Variants in DCLK1 observed in about 807,000 individuals in gnomAD.
The protein encoded by DCLK1 is serine/threonine-protein kinase DCLK1.
Under a neutral mutation model 86.2 loss-of-function variants are expected in DCLK1, and 16 were observed. That is an observed-to-expected ratio of 0.19 (90% CI 0.13 to 0.28). The LOEUF (loss-of-function observed/expected upper bound fraction) is 0.28, where lower values mean the gene tolerates loss of function less well. Among genes scored for constraint, DCLK1 ranks in the 10% least tolerant of loss-of-function variants. DCLK1 has a pLI of 1.00. For synonymous variants in DCLK1, 369 were observed against 370.5 expected (o/e 1.00, Z 0.05); for missense variants, 590 against 940.2 (o/e 0.63, Z 4.87).
At chr13:36,029,233 T>C (rs1372506600) in intron 3 of DCLK1, among the ~76,000 whole-genome samples, 1 of 152,204 alleles carries the variant, frequency 6.6e-6, no homozygotes, top group Non-Finnish European at 1.5e-5. Flanking sequence ...ATCACTTCCC[T>C]GACCTCCCTG....
At chr13:35,836,428 G>C (rs1232516059) in intron 7 of DCLK1, among the ~76,000 whole-genome samples, 1 of 152,156 alleles carries the variant, frequency 6.6e-6, no homozygotes, top group African/African-American at 2.4e-5. Context: ...AGGAAGCTTT[G>C]CTCCTTTTAC....
At chr13:35,950,890 C>T (rs1255256783) in intron 3 of DCLK1, among the ~76,000 whole-genome samples, 2 of 151,978 alleles carry the variant, frequency 1.3e-5, no homozygotes, top group African/African-American at 2.4e-5. Context: ...CAAACCCAGG[C>T]CTTTCTCCCA....
chr13:35,876,237 A>G (rs1872584467), intron 4 of DCLK1, among the ~76,000 whole-genome samples: 1 of 152,256 alleles, frequency 6.6e-6, no homozygotes, highest in Admixed American at 6.5e-5. Context: ...AGTCTGAAAG[A>G]TAATTACAAA....
At chr13:35,793,585 A>T (rs910913476) in intron 15 of DCLK1, 106 bp from the exon 16 acceptor site, 1 of 841,276 alleles carries the variant, frequency 1.2e-6, no homozygotes, top group Non-Finnish European at 1.8e-6. Flanking sequence ...AATTCATAAG[A>T]TGTCAGAAAT....
intron 3 of DCLK1, among the ~76,000 whole-genome samples, chr13:36,093,155 A>G (rs1330080583): frequency 6.6e-6 from 1 of 152,250 alleles, no homozygotes; most frequent in Admixed American, 6.5e-5. Context: ...TCAAACCTTC[A>G]TTATGTAACT....
intron 3 of DCLK1, among the ~76,000 whole-genome samples, chr13:36,046,179 T>C (rs1327143132): frequency 6.6e-6 from 1 of 152,222 alleles, no homozygotes; most frequent in Non-Finnish European, 1.5e-5. Context: ...CTTAATAAGC[T>C]TGCAGAAGCA....
At chr13:36,043,401 C>A (rs1043313702) in intron 3 of DCLK1, among the ~76,000 whole-genome samples, 1 of 151,568 alleles carries the variant, frequency 6.6e-6, no homozygotes. Context: ...GAAAATATGA[C>A]AAACTTTAAA....
intron 16 of DCLK1, among the ~76,000 whole-genome samples, chr13:35,777,814 C>G (rs1387460603): frequency 6.6e-6 from 1 of 152,128 alleles, no homozygotes; most frequent in African/African-American, 2.4e-5. Context: ...GACTACAGGT[C>G]TCTCCTTCTG....
chr13:36,129,496 A>G (rs1886294989), intron 1 of DCLK1, among the ~76,000 whole-genome samples: 1 of 152,194 alleles, frequency 6.6e-6, no homozygotes, highest in African/African-American at 2.4e-5. Context: ...TCAAGGCTAC[A>G]GCTACCTCTA....
At chr13:35,832,110 T>C (rs571035291) in intron 8 of DCLK1, among the ~76,000 whole-genome samples, 3 of 152,224 alleles carry the variant, frequency 2.0e-5, no homozygotes, top group East Asian at 1.9e-4. Context: ...CTGGGCCACA[T>C]AGTGAGACCC....
chr13:35,930,295 A>G (rs935235480), intron 4 of DCLK1, among the ~76,000 whole-genome samples: 2 of 152,268 alleles, frequency 1.3e-5, no homozygotes, highest in Non-Finnish European at 1.5e-5. Context: ...TATTTCAAAT[A>G]GGAACAAAAA....
intron 3 of DCLK1, among the ~76,000 whole-genome samples, chr13:36,062,050 C>T (rs1482382549): frequency 6.6e-6 from 1 of 152,148 alleles, no homozygotes; most frequent in East Asian, 1.9e-4. Flanking sequence ...GGTTGTGATT[C>T]ACACTTCAGT....
intron 1 of DCLK1, among the ~76,000 whole-genome samples, chr13:36,127,670 G>A (rs919231990): frequency 1.3e-5 from 2 of 152,144 alleles, no homozygotes; most frequent in Non-Finnish European, 2.9e-5. Flanking sequence ...GACACATAAA[G>A]AGCTAGCAGG....
rs544965021 is a variant in DCLK1 at position 35,990,179 on chromosome 13, C to T, written c.724-42722G>A. On this transcript the variant is annotated intron_variant, in intron 3 of 16. Coordinates refer to ENST00000360631, the MANE Select transcript of DCLK1 (RefSeq NM_001330071.2). ...CATGTGTTAATTGTCCCCAAGGATA[C>T]AAAATTAGGTTGAATATCAGAGTAC... 4.6e-5 allele frequency among the ~76,000 whole-genome samples: 7 copies of T among 152,212 alleles called. No homozygotes were observed. In the East Asian group the frequency reaches 5.8e-4, roughly 13 times the overall value.
intron 2 of DCLK1, among the ~76,000 whole-genome samples, chr13:36,118,351 C>G (rs1427749481): frequency 6.6e-6 from 1 of 152,084 alleles, no homozygotes; most frequent in African/African-American, 2.4e-5. Context: ...ACGAGGAGTA[C>G]TTAGCAGATA....
intron 3 of DCLK1, among the ~76,000 whole-genome samples, chr13:36,092,032 T>C (rs1177224263): frequency 1.3e-5 from 2 of 152,218 alleles, no homozygotes; most frequent in African/African-American, 2.4e-5. Context: ...TATAGTATTT[T>C]ATTAAATGAA....
At position 35,949,780 on chromosome 13, in the gene DCLK1, G is replaced by A. The variant is rs543787481; in HGVS notation, c.724-2323C>T. Reference sequence around the variant, plus strand: ...CAGTTTACTGATGACCATTCTCCAAGTCTGAGACTTAAAGAACAGAACAAA... The same window carrying A: ...CAGTTTACTGATGACCATTCTCCAAATCTGAGACTTAAAGAACAGAACAAA... On this transcript the variant is annotated intron_variant, in intron 3 of 16. Coordinates refer to ENST00000360631, the MANE Select transcript of DCLK1 (RefSeq NM_001330071.2). Among the ~76,000 whole-genome samples the A allele has an allele frequency of 3.0e-4, 45 of 149,936 alleles. No individual in the cohort carries two copies. The South Asian group carries it at 9.3e-3, about 31-fold the overall frequency.
At chr13:36,002,240 A>G (rs999189510) in intron 3 of DCLK1, among the ~76,000 whole-genome samples, 1 of 152,184 alleles carries the variant, frequency 6.6e-6, no homozygotes, top group Admixed American at 6.5e-5. Flanking sequence ...AAACAAGTAC[A>G]ATACAGTTAA....
At chr13:35,838,075 AAG>A (rs1352331708) in intron 7 of DCLK1, among the ~76,000 whole-genome samples, 6 of 151,268 alleles carry the variant, frequency 4.0e-5, no homozygotes, top group Non-Finnish European at 5.9e-5. Context: ...CAAAAAAAAA[AAG>A]AAAAGAAAAG....
Sources: gnomAD v4.1 joint callset for allele counts (sites outside exome capture counted in the v4.1 genomes callset) on GRCh38, gnomAD v4.1.1 for gene constraint, MANE v1.5 for transcripts, NCBI Gene and HGNC (gene_info 2026-07-23, HGNC 2026-07-21) for gene names.